PDE4D: variants seen among roughly 807,000 people sequenced by gnomAD.
PDE4D encodes the protein 3',5'-cyclic-AMP phosphodiesterase 4D.
In PDE4D, 24 loss-of-function variants were observed where a neutral mutation model predicts 87.4. The ratio of observed to expected loss-of-function variants is 0.27; its 90% CI spans 0.20 to 0.39. PDE4D has a LOEUF of 0.39. Ranked by LOEUF, PDE4D falls within the 10% of genes least tolerant of loss-of-function variation. The pLI is 1.00. For missense variants in PDE4D, 714 were observed against 1,041.0 expected (o/e 0.69, Z 4.32); for synonymous variants, 384 against 383.2 (o/e 1.00, Z -0.02).
chr5:59,338,618 G>C (rs1397498334), intron 1 of PDE4D, among the ~76,000 whole-genome samples: 2 of 152,184 alleles, frequency 1.3e-5, no homozygotes, highest in African/African-American at 4.8e-5. Flanking sequence ...CTGTGAGGAA[G>C]GCAGAGGATC....
At chr5:59,541,604 A>G (rs1816360142) in intron 1 of PDE4D, among the ~76,000 whole-genome samples, 2 of 152,258 alleles carry the variant, frequency 1.3e-5, no homozygotes, top group Non-Finnish European at 2.9e-5. Context: ...TATAGGGAAT[A>G]CAAGTTTGGC....
intron 1 of PDE4D, among the ~76,000 whole-genome samples, chr5:59,829,850 C>T (rs1052516235): frequency 8.6e-5 from 13 of 151,922 alleles, no homozygotes; most frequent in Non-Finnish European, 1.9e-4. Flanking sequence ...ATAAACCTGG[C>T]GTCACACATA....
At chr5:59,418,429 T>G (rs987438245) in intron 1 of PDE4D, among the ~76,000 whole-genome samples, 3 of 152,202 alleles carry the variant, frequency 2.0e-5, no homozygotes, top group Admixed American at 6.5e-5. Flanking sequence ...ATGCCCTTCA[T>G]CTTCAACTCT....
At chr5:59,601,722 G>A (rs1049732222) in intron 1 of PDE4D, among the ~76,000 whole-genome samples, 12 of 151,926 alleles carry the variant, frequency 7.9e-5, no homozygotes, top group African/African-American at 2.9e-4. Flanking sequence ...CTCCTTTCGT[G>A]CTCAACCAAA....
chr5:59,165,651 G>C (rs1401271168), intron 5 of PDE4D, among the ~76,000 whole-genome samples: 4 of 152,166 alleles, frequency 2.6e-5, no homozygotes, highest in South Asian at 2.1e-4. Context: ...TACTTCAAAA[G>C]TGAGGAATTT....
intron 5 of PDE4D, among the ~76,000 whole-genome samples, chr5:59,079,836 AGGG>A (rs1766371002): frequency 9.6e-6 from 1 of 104,652 alleles, no homozygotes; most frequent in African/African-American, 4.7e-5. Flanking sequence ...AAAGGAAAGG[AGGG>A]GAGAGGAGGG....
intron 1 of PDE4D, among the ~76,000 whole-genome samples, chr5:59,655,025 T>C (rs1744129106): frequency 6.6e-6 from 1 of 152,182 alleles, no homozygotes; most frequent in South Asian, 2.1e-4. Flanking sequence ...CATTTGTCTA[T>C]GTATTTTCAA....
chr5:59,750,249 G>T (rs1474642693), intron 1 of PDE4D, among the ~76,000 whole-genome samples: 1 of 151,968 alleles, frequency 6.6e-6, no homozygotes, highest in African/African-American at 2.4e-5. Flanking sequence ...CAAAACTTAT[G>T]ATAGACTGTG....
chr5:59,373,255 A>G (rs1784217142), intron 1 of PDE4D, among the ~76,000 whole-genome samples: 1 of 152,222 alleles, frequency 6.6e-6, no homozygotes. Flanking sequence ...GTATGTTGAA[A>G]CCCAACGGAA....
intron 1 of PDE4D, among the ~76,000 whole-genome samples, chr5:60,265,323 T>C (rs1394953046): frequency 2.6e-5 from 4 of 152,136 alleles, no homozygotes; most frequent in African/African-American, 7.2e-5. Context: ...GTAGCCCTGG[T>C]CCCCACAAGA....
At chr5:59,304,242 T>A (rs1237626623) in intron 1 of PDE4D, among the ~76,000 whole-genome samples, 5 of 152,124 alleles carry the variant, frequency 3.3e-5, no homozygotes, top group African/African-American at 1.2e-4. Flanking sequence ...TGTACATTAA[T>A]CTTGTATCCA....
chr5:59,935,932 T>A (rs997230831), intron 3 of PDE4D, among the ~76,000 whole-genome samples: 10 of 152,220 alleles, frequency 6.6e-5, no homozygotes, highest in African/African-American at 1.9e-4. Context: ...TGCATGTGTC[T>A]TTATAGCAGC....
chr5:59,477,852 T>C (rs1481102196), intron 1 of PDE4D, among the ~76,000 whole-genome samples: 1 of 152,088 alleles, frequency 6.6e-6, no homozygotes, highest in African/African-American at 2.4e-5. Flanking sequence ...CATGAAATAC[T>C]ATGCAGCCAT....
intron 1 of PDE4D, among the ~76,000 whole-genome samples, chr5:59,824,470 T>G (rs1770082059): frequency 6.6e-6 from 1 of 152,154 alleles, no homozygotes; most frequent in South Asian, 2.1e-4. Flanking sequence ...GAAAGACTAG[T>G]GCCTGACACA....
chr5:59,194,470 C>A (rs574567305), intron 2 of PDE4D, among the ~76,000 whole-genome samples: 3,257 of 152,274 alleles, frequency 0.021, 46 homozygotes, highest in Non-Finnish European at 0.034. Flanking sequence ...CCCAAAACAA[C>A]ACCCATGAAA....
intron 3 of PDE4D, among the ~76,000 whole-genome samples, chr5:59,946,500 C>T (rs1317265086): frequency 2.6e-5 from 4 of 152,144 alleles, no homozygotes; most frequent in South Asian, 4.1e-4. Context: ...TTTCACAAGT[C>T]GGAGTGCTGG....
chr5:59,235,631 C>T (rs533056701), intron 1 of PDE4D, among the ~76,000 whole-genome samples: 1 of 152,230 alleles, frequency 6.6e-6, no homozygotes, highest in African/African-American at 2.4e-5. Context: ...AAGACAAATG[C>T]TTATTTTAAT....
chr5:60,262,758 T>C (rs576943922), intron 1 of PDE4D, among the ~76,000 whole-genome samples: 59 of 152,310 alleles, frequency 3.9e-4, no homozygotes, highest in African/African-American at 1.4e-3. Context: ...CTTTCTAGCT[T>C]TGTCAGCACA....
chr5:60,457,696 C>T (rs1746581343), intron 1 of PDE4D, among the ~76,000 whole-genome samples: 1 of 152,170 alleles, frequency 6.6e-6, no homozygotes, highest in Non-Finnish European at 1.5e-5. Context: ...AGTCAGAAAG[C>T]ACACATTCTT....
Sources: allele counts gnomAD v4.1 joint callset (sites outside exome capture counted in the v4.1 genomes callset), GRCh38; gene constraint gnomAD v4.1.1; transcripts MANE v1.5; gene names NCBI Gene and HGNC (gene_info 2026-07-23, HGNC 2026-07-21).